LHFPL3: variants seen among roughly 807,000 people sequenced by gnomAD.
The protein encoded by LHFPL3 is LHFPL tetraspan subfamily member 3 protein.
In LHFPL3, 5 loss-of-function variants were observed where a neutral mutation model predicts 19.3. That is an observed-to-expected ratio of 0.26 (90% CI 0.14 to 0.54). LHFPL3 has a LOEUF of 0.54. Ranked by LOEUF, LHFPL3 falls within the 20% of genes least tolerant of loss-of-function variation. LHFPL3 has a pLI of 0.94. For missense variants in LHFPL3, 249 were observed against 307.4 expected (o/e 0.81, Z 1.42); for synonymous variants, 133 against 126.2 (o/e 1.05, Z -0.36).
At chr7:104,511,098 T>C (rs938098878) in intron 1 of LHFPL3, among the ~76,000 whole-genome samples, 7 of 152,048 alleles carry the variant, frequency 4.6e-5, no homozygotes, top group Admixed American at 3.9e-4. Context: ...ATCTAGAATA[T>C]ATAAAGAACT....
chr7:104,676,386 G>A (rs1045630273), intron 1 of LHFPL3, among the ~76,000 whole-genome samples: 1 of 152,136 alleles, frequency 6.6e-6, no homozygotes, highest in African/African-American at 2.4e-5. Context: ...TAAGCTCTAT[G>A]TTTATCATCT....
chr7:104,892,400 T>G (rs1792267086), intron 2 of LHFPL3, among the ~76,000 whole-genome samples: 2 of 152,174 alleles, frequency 1.3e-5, no homozygotes, highest in African/African-American at 2.4e-5. Flanking sequence ...CAGACAATTT[T>G]TCTTTTTCAG....
chr7:104,440,575 A>C (rs757012150), intron 1 of LHFPL3, among the ~76,000 whole-genome samples: 2 of 152,160 alleles, frequency 1.3e-5, no homozygotes, highest in Non-Finnish European at 2.9e-5. Flanking sequence ...AAACATATAT[A>C]TATATAAAAA....
At chr7:104,733,079 T>G (rs1049118841) in intron 1 of LHFPL3, among the ~76,000 whole-genome samples, 40 of 152,290 alleles carry the variant, frequency 2.6e-4, no homozygotes, top group African/African-American at 8.9e-4. Flanking sequence ...TTGCACTGTG[T>G]TCTAAGAGAC....
intron 1 of LHFPL3, among the ~76,000 whole-genome samples, chr7:104,481,097 A>G (rs1793127850): frequency 6.6e-6 from 1 of 152,104 alleles, no homozygotes; most frequent in Non-Finnish European, 1.5e-5. Flanking sequence ...TAACACAGAC[A>G]TTTCTACACT....
At chr7:104,823,593 A>G (rs1790719805) in intron 2 of LHFPL3, among the ~76,000 whole-genome samples, 1 of 152,206 alleles carries the variant, frequency 6.6e-6, no homozygotes, top group Non-Finnish European at 1.5e-5. Context: ...AGCTTGAAAT[A>G]GATATTATGC....
chr7:104,741,639 G>T (rs1793939749), intron 2 of LHFPL3, among the ~76,000 whole-genome samples: 1 of 151,722 alleles, frequency 6.6e-6, no homozygotes, highest in African/African-American at 2.4e-5. Context: ...GGGTGCAAGC[G>T]ATCCTCCTGC....
intron 1 of LHFPL3, among the ~76,000 whole-genome samples, chr7:104,636,928 A>G (rs1387829818): frequency 6.6e-6 from 1 of 152,186 alleles, no homozygotes; most frequent in Admixed American, 6.5e-5. Flanking sequence ...GTTGAATGGT[A>G]GTTCTGTTTT....
chr7:104,346,957 A>G lies in LHFPL3; in HGVS notation c.445+17733A>G, dbSNP rs1364878705. Among the ~76,000 whole-genome samples the G allele has an allele frequency of 1.0e-4, 15 of 149,834 alleles. No individual in the cohort carries two copies. The Admixed American group carries it at 1.0e-3, about 10-fold the overall frequency. On this transcript the variant is annotated intron_variant, in intron 1 of 2. Coordinates refer to ENST00000424859, the MANE Select transcript of LHFPL3 (RefSeq NM_199000.3). ...AGTGCATAAATTCCAAAGCCAGAAC[A>G]TCTGGGTTTGTGTGGTGGATACTTC...
intron 1 of LHFPL3, among the ~76,000 whole-genome samples, chr7:104,550,556 G>C (rs1015799864): frequency 6.6e-6 from 1 of 152,090 alleles, no homozygotes; most frequent in African/African-American, 2.4e-5. Flanking sequence ...GTAATAATCG[G>C]CCAGAAAATG....
At chr7:104,776,675 G>C (rs1794641482) in intron 2 of LHFPL3, among the ~76,000 whole-genome samples, 1 of 152,206 alleles carries the variant, frequency 6.6e-6, no homozygotes, top group Non-Finnish European at 1.5e-5. Flanking sequence ...ACAAGAAGGT[G>C]CCATTCTAAT....
intron 1 of LHFPL3, among the ~76,000 whole-genome samples, chr7:104,391,803 C>G (rs1187850957): frequency 6.6e-6 from 1 of 152,174 alleles, no homozygotes; most frequent in Non-Finnish European, 1.5e-5. Flanking sequence ...AATACTGATT[C>G]TTCCTATCCA....
intron 1 of LHFPL3, among the ~76,000 whole-genome samples, chr7:104,710,637 C>G (rs1793284658): frequency 6.6e-6 from 1 of 152,164 alleles, no homozygotes; most frequent in Non-Finnish European, 1.5e-5. Flanking sequence ...TTTAAGTTCT[C>G]TATTTTTGCT....
At chr7:104,652,689 C>T (rs1024303337) in intron 1 of LHFPL3, among the ~76,000 whole-genome samples, 5 of 151,958 alleles carry the variant, frequency 3.3e-5, no homozygotes, top group African/African-American at 7.3e-5. Flanking sequence ...AGGTGGTGAA[C>T]GAGGGCCACT....
intron 2 of LHFPL3, among the ~76,000 whole-genome samples, chr7:104,775,863 T>C (rs1013589588): frequency 2.0e-5 from 3 of 151,912 alleles, no homozygotes; most frequent in Non-Finnish European, 4.4e-5. Context: ...TTTTTTTTTT[T>C]TCTCAGCTTA....
chr7:104,507,871 C>A (rs1206027421), intron 1 of LHFPL3, among the ~76,000 whole-genome samples: 1 of 109,022 alleles, frequency 9.2e-6, no homozygotes, highest in Admixed American at 1.0e-4. Flanking sequence ...CTCATCATCA[C>A]TGGCCATCAG....
intron 2 of LHFPL3, among the ~76,000 whole-genome samples, chr7:104,859,198 T>A (rs1791567634): frequency 6.7e-6 from 1 of 148,444 alleles, no homozygotes; most frequent in African/African-American, 2.5e-5. Flanking sequence ...ACCCAGGAAG[T>A]GGAGGTTGTA....
At chr7:104,456,214 T>G (rs558100490) in intron 1 of LHFPL3, among the ~76,000 whole-genome samples, 1 of 152,340 alleles carries the variant, frequency 6.6e-6, no homozygotes, top group Non-Finnish European at 1.5e-5. Context: ...TATGATTTTG[T>G]AAGCTCAAAA....
At chr7:104,707,832 G>A (rs945892622) in intron 1 of LHFPL3, among the ~76,000 whole-genome samples, 10 of 152,196 alleles carry the variant, frequency 6.6e-5, no homozygotes, top group Non-Finnish European at 1.3e-4. Context: ...GAAGAGATAC[G>A]TGTTTGGAAA....
Sources: allele counts gnomAD v4.1 joint callset (sites outside exome capture counted in the v4.1 genomes callset), GRCh38; gene constraint gnomAD v4.1.1; transcripts MANE v1.5; gene names NCBI Gene and HGNC (gene_info 2026-07-23, HGNC 2026-07-21).